The following NRIP1 variants were observed in gnomAD, a reference collection of about 807,000 sequenced individuals.
The protein encoded by NRIP1 is nuclear receptor interacting protein 1.
In NRIP1, 28 loss-of-function variants were observed where a neutral mutation model predicts 75.0. The observed-to-expected ratio is 0.37, with a 90% confidence interval of 0.28 to 0.51. The LOEUF (loss-of-function observed/expected upper bound fraction) is 0.51, where lower values mean the gene tolerates loss of function less well. NRIP1 is among the 20% of genes least tolerant of loss of function. The pLI is 0.92. For missense variants in NRIP1, 1,435 were observed against 1,343.7 expected, an observed-to-expected ratio of 1.07 and a Z score of -1.06; for synonymous variants, 526 against 487.6, an observed-to-expected ratio of 1.08 and a Z score of -1.04.
intron 3 of NRIP1, among the ~76,000 whole-genome samples, chr21:14,995,335 G>A (rs2087692107): frequency 6.6e-6 from 1 of 152,170 alleles, no homozygotes; most frequent in Non-Finnish European, 1.5e-5. Flanking sequence ...GAGAATAGTT[G>A]GGAAGATTAC....
chr21:14,973,740 G>C (rs1422604096), intron 3 of NRIP1, among the ~76,000 whole-genome samples: 1 of 150,076 alleles, frequency 6.7e-6, no homozygotes, highest in Non-Finnish European at 1.5e-5. Flanking sequence ...GCAGTGGTGA[G>C]ATCACAGCTC....
At chr21:15,002,310 C>T (rs914545816) in intron 3 of NRIP1, 2 of 152,190 alleles carry the variant, frequency 1.3e-5, no homozygotes, top group African/African-American at 4.8e-5. Context: ...CTCCCTAATG[C>T]CCAGGTCCCG....
intron 1 of NRIP1, among the ~76,000 whole-genome samples, chr21:15,058,499 T>TA (rs377424618): frequency 4.6e-5 from 7 of 152,118 alleles, no homozygotes; most frequent in South Asian, 4.2e-4. Flanking sequence ...TTCAGGAATT[T>TA]AAAAAAAATC....
At chr21:15,045,551 T>C (rs1238255290) in intron 1 of NRIP1, among the ~76,000 whole-genome samples, 1 of 152,230 alleles carries the variant, frequency 6.6e-6, no homozygotes, top group African/African-American at 2.4e-5. Flanking sequence ...CTTGCCTCCA[T>C]ATTGATGGCT....
In NRIP1 at chr21:14,963,232, G is replaced by A. The variant is rs912849294; in HGVS notation, c.*1484C>T. Reference sequence around the variant, plus strand: ...TAAACTAAATGTTGTAAGCTTTGTTGGCATTGTTCTTAGGACAATGGTTTT... The same window carrying A: ...TAAACTAAATGTTGTAAGCTTTGTTAGCATTGTTCTTAGGACAATGGTTTT... On this transcript the variant is annotated 3_prime_UTR_variant, in exon 4 of 4. Transcript: ENST00000318948. 1.1e-4 allele frequency: 17 copies of A among 152,416 alleles called. No homozygotes were observed. Among genetic ancestry groups the A allele is most frequent in the Non-Finnish European group, 2.5e-4 (17 of 67,932 alleles). The allele number at this position is 152,416 out of a possible 1,614,324, so 9.4% of individuals were successfully genotyped here.
intron 2 of NRIP1, among the ~76,000 whole-genome samples, chr21:15,030,898 G>T (rs1390269342): frequency 6.8e-6 from 1 of 147,286 alleles, no homozygotes; most frequent in African/African-American, 2.5e-5. Context: ...GGCGCTCGGA[G>T]GATCACCACA....
intron 1 of NRIP1, among the ~76,000 whole-genome samples, chr21:15,061,554 C>G (rs2089423781): frequency 6.6e-6 from 1 of 152,150 alleles, no homozygotes; most frequent in Admixed American, 6.5e-5. Context: ...CTAATTGTAT[C>G]AAGCAATCTC....
chr21:14,981,452 T>G (rs1390306364), intron 3 of NRIP1, among the ~76,000 whole-genome samples: 2 of 152,182 alleles, frequency 1.3e-5, no homozygotes, highest in Admixed American at 6.5e-5. Flanking sequence ...GCAGGGACAG[T>G]GACACATGCT....
At chr21:15,003,555 T>C (rs539152738) in intron 3 of NRIP1, among the ~76,000 whole-genome samples, 1 of 152,336 alleles carries the variant, frequency 6.6e-6, no homozygotes, top group South Asian at 2.1e-4. Flanking sequence ...CCTTGTCCTC[T>C]AAATGACCTA....
intron 2 of NRIP1, among the ~76,000 whole-genome samples, chr21:15,026,276 A>G (rs2088518848): frequency 6.6e-6 from 1 of 152,250 alleles, no homozygotes; most frequent in South Asian, 2.1e-4. Context: ...ATGAAAAAAC[A>G]CATGAAAAGA....
At chr21:14,996,502 A>G (rs1293803422) in intron 3 of NRIP1, among the ~76,000 whole-genome samples, 3 of 151,916 alleles carry the variant, frequency 2.0e-5, no homozygotes, top group African/African-American at 4.8e-5. Context: ...GTCTTTCCCA[A>G]TGACTTTAGG....
chr21:15,023,028 G>C (rs758501366), intron 2 of NRIP1, among the ~76,000 whole-genome samples: 13 of 152,160 alleles, frequency 8.5e-5, no homozygotes, highest in Non-Finnish European at 1.6e-4. Flanking sequence ...AATTAATCTA[G>C]ACAGAAGGAT....
chr21:15,003,297 G>A (rs1023040086), intron 3 of NRIP1, among the ~76,000 whole-genome samples: 2 of 151,920 alleles, frequency 1.3e-5, no homozygotes, highest in African/African-American at 4.8e-5. Context: ...AAACTTATTA[G>A]GAGGCATCCT....
At chr21:14,989,672 T>A (rs2087514302) in intron 3 of NRIP1, among the ~76,000 whole-genome samples, 1 of 152,198 alleles carries the variant, frequency 6.6e-6, no homozygotes, top group African/African-American at 2.4e-5. Flanking sequence ...TGCTTTATCA[T>A]GTTCCCTCTA....
At chr21:15,046,568 T>C (rs1047303533) in intron 1 of NRIP1, among the ~76,000 whole-genome samples, 2 of 152,160 alleles carry the variant, frequency 1.3e-5, no homozygotes, top group African/African-American at 4.8e-5. Context: ...AAACATTGGT[T>C]TCCACTTCAA....
chr21:14,995,779 G>GTA (rs2087705170), intron 3 of NRIP1, among the ~76,000 whole-genome samples: 1 of 152,076 alleles, frequency 6.6e-6, no homozygotes, highest in Non-Finnish European at 1.5e-5. Flanking sequence ...GTGTGTGTGT[G>GTA]TGTGTGTGTA....
At chr21:15,053,518 A>G (rs1434292605) in intron 1 of NRIP1, among the ~76,000 whole-genome samples, 1 of 152,204 alleles carries the variant, frequency 6.6e-6, no homozygotes, top group Non-Finnish European at 1.5e-5. Context: ...GTGTCTGCTG[A>G]GGAATCCAAC....
At position 14,986,694 on chromosome 21, in the gene NRIP1, C is replaced by G. The variant is rs2087414239; in HGVS notation, c.-334-18168G>C. ...TATTTGTTTTAAATATATGACACATCAAATCAAATTTCCTTGTCTATAATT... is the reference window on the plus strand; with the variant it reads ...TATTTGTTTTAAATATATGACACATGAAATCAAATTTCCTTGTCTATAATT... On this transcript the variant is annotated intron_variant, in intron 3 of 3. Transcript: ENST00000318948. Among the ~76,000 whole-genome samples the G allele has an allele frequency of 2.0e-5, 3 of 152,120 alleles. No individual in the cohort carries two copies. The South Asian group carries it at 6.2e-4, about 31-fold the overall frequency.
Position 15,017,963 on chromosome 21 carries a change from A to G in NRIP1, c.-457-3497T>C, listed in dbSNP as rs80229712. On this transcript the variant is annotated intron_variant, in intron 2 of 3. Transcript: ENST00000318948. ...TTAAAAGAATATTTAAATAAAACCA[A>G]CAAAAGATAACACAAAATAAACTAC... Among the ~76,000 whole-genome samples, 1,865 of 152,322 alleles carry G rather than the reference A, an allele frequency of 0.012. 203 individuals carry two copies. In the East Asian group the frequency reaches 0.26, roughly 21 times the overall value.
Sources: allele counts gnomAD v4.1 joint callset (sites outside exome capture counted in the v4.1 genomes callset), GRCh38; gene constraint gnomAD v4.1.1; transcripts MANE v1.5; gene names NCBI Gene and HGNC (gene_info 2026-07-23, HGNC 2026-07-21).